ZBTB40: variants seen among roughly 807,000 people sequenced by gnomAD.
ZBTB40 encodes the protein zinc finger and BTB domain-containing protein 40.
Under a neutral mutation model 117.5 loss-of-function variants are expected in ZBTB40, and 60 were observed. The observed-to-expected ratio is 0.51, with a 90% CI of 0.41 to 0.63. The LOEUF is 0.63. Among genes scored for constraint, ZBTB40 ranks in the 30% least tolerant of loss-of-function variants. The pLI, the probability that ZBTB40 is intolerant of heterozygous loss-of-function variation, is 0.00. For missense variants in ZBTB40, 1,287 were observed against 1,498.5 expected, an observed-to-expected ratio of 0.86 and a Z score of 2.33; for synonymous variants, 525 against 577.1, an observed-to-expected ratio of 0.91 and a Z score of 1.29.
intron 1 of ZBTB40, among the ~76,000 whole-genome samples, chr1:22,475,415 T>C (rs1641529704): frequency 6.6e-6 from 1 of 152,236 alleles, no homozygotes; most frequent in Non-Finnish European, 1.5e-5. Flanking sequence ...ATAACAGCGA[T>C]AGCAGTTACT....
At chr1:22,479,049 T>C (rs1054112390) in intron 1 of ZBTB40, among the ~76,000 whole-genome samples, 2 of 152,246 alleles carry the variant, frequency 1.3e-5, no homozygotes, top group African/African-American at 4.8e-5. Flanking sequence ...ATATAGTATG[T>C]ACTCTTTTGT....
chr1:22,495,226 A>G lies in ZBTB40; in HGVS notation c.831+3693A>G, dbSNP rs1286733961. On this transcript the variant is annotated intron_variant, in intron 3 of 17. Coordinates refer to ENST00000375647, the MANE Select transcript of ZBTB40 (RefSeq NM_014870.4). ...TGAGATCAGTGATGAAAGGTGGCAA[A>G]GCCATTCCCTGAACAGCGATTGCAG... Among the ~76,000 whole-genome samples, 5 of 152,200 alleles carry G rather than the reference A, an allele frequency of 3.3e-5. No homozygotes were observed. The East Asian group carries it at 9.6e-4, about 29-fold the overall frequency.
upstream of ZBTB40, among the ~76,000 whole-genome samples, chr1:22,447,310 G>A: frequency 6.6e-6 from 1 of 152,158 alleles, no homozygotes. Flanking sequence ...CAGGGGGAGG[G>A]TAGTAGAGTA....
intron 1 of ZBTB40, among the ~76,000 whole-genome samples, chr1:22,453,298 A>T (rs1031932027): frequency 2.0e-5 from 3 of 152,236 alleles, no homozygotes; most frequent in Non-Finnish European, 4.4e-5. Context: ...GCTATTCATT[A>T]GTGGTTTAAC....
chr1:22,432,281 G>T (rs748821952), intron 1 of ZBTB40, among the ~76,000 whole-genome samples: 1 of 152,124 alleles, frequency 6.6e-6, no homozygotes, highest in Non-Finnish European at 1.5e-5. Context: ...GCATCCTGTG[G>T]GCTATAGCCA....
Position 22,431,384 on chromosome 1 carries a change from G to GTGTGTATATATATATATA in ZBTB40, c.-70+2371_-70+2372insGTGTATATATATATATAT, listed in dbSNP as rs1222294324. Among the ~76,000 whole-genome samples, 26 of 119,684 alleles carry GTGTGTATATATATATATA rather than the reference G, an allele frequency of 2.2e-4. 1 individual carries two copies. Among genetic ancestry groups the GTGTGTATATATATATATA allele is most frequent in the African/African-American group, 9.3e-4 (25 of 26,946 alleles). 78.5% of individuals were successfully genotyped at this position (119,684 alleles called of 152,430 possible). ...ATTTTGTGTGTGTGTGTGTGTGTGTGTATATATATATATATATATATATAT... is the reference window on the plus strand; with the variant it reads ...ATTTTGTGTGTGTGTGTGTGTGTGTGTGTGTATATATATATATATATATATATATATATATATATATAT... On this transcript the variant is annotated intron_variant, in intron 1 of 8. Coordinates refer to the ZBTB40 transcript ENST00000650433.
intron 1 of ZBTB40, among the ~76,000 whole-genome samples, chr1:22,487,095 G>A (rs976112472): frequency 2.6e-5 from 4 of 152,136 alleles, no homozygotes; most frequent in African/African-American, 7.2e-5. Context: ...CTAATTTTAG[G>A]AACAGTGATT....
intron 12 of ZBTB40, among the ~76,000 whole-genome samples, chr1:22,516,315 T>A (rs1639371854): frequency 6.6e-6 from 1 of 152,170 alleles, no homozygotes; most frequent in African/African-American, 2.4e-5. Context: ...TAGTGGCCTA[T>A]TTGATGCATT....
rs2124461832 is a variant in ZBTB40, at chr1:22,513,625, T to C, written c.2668+495T>C. On this transcript the variant is annotated intron_variant, in intron 12 of 17. Coordinates refer to ENST00000375647, the MANE Select transcript of ZBTB40 (RefSeq NM_014870.4). The surrounding 1 kb of genome is among the most constrained non-coding windows in gnomAD (Gnocchi z 4.9). ...CTGAGGCAGGAGAATGGTGTGAACC[T>C]GGGAGGTGGAACTTGCAGTGAGCTG... 1.3e-5 allele frequency among the ~76,000 whole-genome samples: 2 copies of C among 152,226 alleles called. No homozygotes were observed. The highest frequency in any genetic ancestry group is 6.8e-3 in the Middle Eastern group (2 of 294).
upstream of ZBTB40, among the ~76,000 whole-genome samples, chr1:22,450,769 A>G (rs1640852689): frequency 6.6e-6 from 1 of 152,238 alleles, no homozygotes; most frequent in African/African-American, 2.4e-5. Context: ...TTTGTGATGT[A>G]AAACGGTGAT....
Position 22,517,426 on chromosome 1 carries a change from A to G in ZBTB40, c.2795A>G (p.Gln932Arg). 6.2e-7 allele frequency: 1 copy of G among 1,614,158 alleles called. No individual in the cohort carries two copies. Among genetic ancestry groups the G allele is most frequent in the Non-Finnish European group, 8.5e-7 (1 of 1,180,030 alleles). The part of the protein sequence containing the change: ...VCRDCGKGFR[Q>R]ANGLSIHLHT... Reference sequence around the variant, plus strand: ...AGAGACTGTGGCAAGGGCTTCCGGCAAGCCAATGGCCTCTCCATCCATCTG... The same window carrying G: ...AGAGACTGTGGCAAGGGCTTCCGGCGAGCCAATGGCCTCTCCATCCATCTG... The change falls in exon 13 of 18, where the codon CAA becomes CGA. Residue 932 changes from glutamine (Q) to arginine (R), a missense_variant. Around this residue, in one of 2 missense-constraint regions of ZBTB40, gnomAD observed 417 missense variants for 564.1 expected, o/e 0.74. Transcript: ENST00000375647.
At chr1:22,467,634 C>T (rs750573506) in intron 1 of ZBTB40, among the ~76,000 whole-genome samples, 1 of 152,136 alleles carries the variant, frequency 6.6e-6, no homozygotes, top group Non-Finnish European at 1.5e-5. Flanking sequence ...ACCACTACAC[C>T]TGGCTAATTT....
intron 1 of ZBTB40, among the ~76,000 whole-genome samples, chr1:22,463,250 G>A (rs553950776): frequency 6.6e-6 from 1 of 152,274 alleles, no homozygotes; most frequent in Non-Finnish European, 1.5e-5. Context: ...AGAGCACATA[G>A]CCGCTGGCAT....
At chr1:22,514,065 G>T (rs116167618) in intron 12 of ZBTB40, among the ~76,000 whole-genome samples, 1 of 152,124 alleles carries the variant, frequency 6.6e-6, no homozygotes, top group African/African-American at 2.4e-5. Flanking sequence ...GGAGTGTAGC[G>T]CCCGTTACAA....
At position 22,429,616 on chromosome 1, in the gene ZBTB40, C is replaced by T. The variant is rs561078413; in HGVS notation, c.-70+602C>T. ...CTATTATATACCGGGTTCCCAGTAC[C>T]ACATTAAACAGTAGTGGTATTGGAA... On this transcript the variant is annotated intron_variant, in intron 1 of 8. Coordinates refer to the ZBTB40 transcript ENST00000650433. 2.0e-5 allele frequency among the ~76,000 whole-genome samples: 3 copies of T among 152,252 alleles called. No homozygotes were observed. The East Asian group carries it at 5.8e-4, about 29-fold the overall frequency.
Position 22,508,725 on chromosome 1 carries a change from C to A in ZBTB40, c.1693C>A (p.Arg565=). The A allele has an allele frequency of 1.9e-6, 3 of 1,613,416 alleles. No homozygotes were observed. Among genetic ancestry groups the A allele is most frequent in the Non-Finnish European group, 2.5e-6 (3 of 1,179,982 alleles). Residue 565 remains arginine, a synonymous_variant, in exon 8 of 18, where the codon CGG becomes AGG. Transcript: ENST00000375647. The stretch of plus-strand genomic sequence containing the variant: ...GGAGCCTGGTGCCGATGCTTTCTTC[C>A]GGGCAGGTAAGTTACCTGCCCTCTG... ...RREPGADAFF[R]AVTTPEHATL...
intron 1 of ZBTB40, among the ~76,000 whole-genome samples, chr1:22,472,713 T>C (rs913179698): frequency 3.3e-5 from 5 of 152,202 alleles, no homozygotes; most frequent in Non-Finnish European, 7.3e-5. Context: ...CAGTTCAGCA[T>C]ATATTTATTG....
At position 22,517,468 on chromosome 1, in the gene ZBTB40, T is replaced by C. The variant is rs187162592; in HGVS notation, c.2833+4T>C. On this transcript the variant is annotated splice_donor_region_variant and intron_variant, in intron 13 of 17. Transcript: ENST00000375647. ...ATCCATCTGCACACCTTTCACAGTA[T>C]GTAGAGACTGTGGATCTCAAGCCCT... 13 of 1,610,258 alleles carry C rather than the reference T, an allele frequency of 8.1e-6. No individual in the cohort carries two copies. In the East Asian group the frequency reaches 2.7e-4, roughly 33 times the overall value.
At position 22,509,085 on chromosome 1, in the gene ZBTB40, C is replaced by G. The variant is rs1407218397; in HGVS notation, c.1700-15C>G. ...ATTGTTTGCCTAATGAGTTTTTGATCCCCCTTTTTTTCAGTGACCACCCCA... is the reference window on the plus strand; with the variant it reads ...ATTGTTTGCCTAATGAGTTTTTGATGCCCCTTTTTTTCAGTGACCACCCCA... On this transcript the variant is annotated splice_polypyrimidine_tract_variant and intron_variant, in intron 8 of 17. Transcript: ENST00000375647. 3 of 1,613,876 alleles carry G rather than the reference C, an allele frequency of 1.9e-6. No homozygotes were observed. The highest frequency in any genetic ancestry group is 4.5e-5 in the East Asian group (2 of 44,850).
Sources: gnomAD v4.1 joint callset for allele counts (sites outside exome capture counted in the v4.1 genomes callset) on GRCh38, gnomAD v4.1.1 for gene constraint, gnomAD v4.1.1 regional missense constraint, Gnocchi (gnomAD v3.1) non-coding constraint, MANE v1.5 for transcripts, NCBI Gene and HGNC (gene_info 2026-07-23, HGNC 2026-07-21) for gene names.